Variants in PPP2R5E observed in about 807,000 individuals in gnomAD.
PPP2R5E encodes serine/threonine-protein phosphatase 2A 56 kDa regulatory subunit epsilon isoform.
A neutral mutation model predicts 65.3 loss-of-function variants in PPP2R5E; 4 were observed. That is an observed-to-expected ratio of 0.06 (90% CI 0.03 to 0.14). The LOEUF is 0.14. Among genes scored for constraint, PPP2R5E ranks in the 10% least tolerant of loss-of-function variants. The pLI is 1.00. For missense variants in PPP2R5E, 274 were observed against 556.1 expected, an observed-to-expected ratio of 0.49 and a Z score of 5.10; for synonymous variants, 183 against 187.4, an observed-to-expected ratio of 0.98 and a Z score of 0.19.
intron 13 of PPP2R5E, 87 bp downstream of exon 13, chr14:63,381,969 G>A: frequency 1.0e-6 from 1 of 998,498 alleles, no homozygotes; most frequent in Non-Finnish European, 1.5e-6. Context: ...CTTAAGATTT[G>A]GGGTACAATT....
intron 5 of PPP2R5E, among the ~76,000 whole-genome samples, chr14:63,403,044 T>C (rs1885846720): frequency 6.6e-6 from 1 of 152,154 alleles, no homozygotes; most frequent in Non-Finnish European, 1.5e-5. Context: ...GCCTTCTTAA[T>C]ACCCACACTG....
intron 3 of PPP2R5E, among the ~76,000 whole-genome samples, chr14:63,429,013 G>A (rs895593261): frequency 6.6e-6 from 1 of 152,058 alleles, no homozygotes; most frequent in Admixed American, 6.5e-5. Flanking sequence ...AAATACACAC[G>A]AAAGATAAGG....
At chr14:63,437,223 T>C (rs534809084) in intron 3 of PPP2R5E, among the ~76,000 whole-genome samples, 2 of 152,220 alleles carry the variant, frequency 1.3e-5, no homozygotes, top group Non-Finnish European at 2.9e-5. Flanking sequence ...TACCTATCTC[T>C]TTCCCAGAAA....
intron 2 of PPP2R5E, among the ~76,000 whole-genome samples, chr14:63,497,080 A>T (rs1187941914): frequency 6.6e-6 from 1 of 152,142 alleles, no homozygotes; most frequent in Non-Finnish European, 1.5e-5. Context: ...ATTGCTAAAA[A>T]TAAACTATCT....
chr14:63,533,086 C>G (rs540117771), intron 2 of PPP2R5E, among the ~76,000 whole-genome samples: 5 of 152,096 alleles, frequency 3.3e-5, no homozygotes. Context: ...CCTCCCACCT[C>G]GACCTGCCAA....
intron 2 of PPP2R5E, among the ~76,000 whole-genome samples, chr14:63,526,667 T>A (rs1255773): frequency 0.044 from 6,628 of 152,154 alleles, 413 homozygotes; most frequent in East Asian, 0.14. Flanking sequence ...GGTGATTCTC[T>A]CACCTTGGCC....
At chr14:63,441,544 G>A (rs71414493) in intron 3 of PPP2R5E, among the ~76,000 whole-genome samples, 264 of 152,330 alleles carry the variant, frequency 1.7e-3, no homozygotes, top group South Asian at 3.1e-3. Context: ...GGGTAAAATC[G>A]CGCTTAAACC....
intron 2 of PPP2R5E, among the ~76,000 whole-genome samples, chr14:63,520,897 G>T (rs1402355069): frequency 6.7e-6 from 1 of 148,794 alleles, no homozygotes; most frequent in Non-Finnish European, 1.5e-5. Flanking sequence ...CAATTAGCCG[G>T]GCATGGTAGC....
chr14:63,418,710 T>C (rs1886837234), intron 4 of PPP2R5E, among the ~76,000 whole-genome samples: 1 of 152,170 alleles, frequency 6.6e-6, no homozygotes, highest in African/African-American at 2.4e-5. Flanking sequence ...AGATACTATT[T>C]TGGATAACTG....
At chr14:63,472,126 C>T (rs982870978) in intron 2 of PPP2R5E, among the ~76,000 whole-genome samples, 1 of 152,180 alleles carries the variant, frequency 6.6e-6, no homozygotes, top group Non-Finnish European at 1.5e-5. Flanking sequence ...ATGGCAAAAC[C>T]CCATCTCTAC....
At chr14:63,439,392 G>C (rs1371602148) in intron 3 of PPP2R5E, among the ~76,000 whole-genome samples, 1 of 146,164 alleles carries the variant, frequency 6.8e-6, no homozygotes, top group African/African-American at 2.5e-5. Flanking sequence ...TCTGTTTTTT[G>C]AGACGGAGTT....
chr14:63,463,826 G>C (rs1889632736), intron 2 of PPP2R5E, among the ~76,000 whole-genome samples: 1 of 151,990 alleles, frequency 6.6e-6, no homozygotes, highest in African/African-American at 2.4e-5. Flanking sequence ...TGGATCTCCT[G>C]ACCTCGTGAT....
rs35587312 is a variant in PPP2R5E, at chr14:63,374,634, GATATATATATATATATATAT to G, written c.*1355_*1374del. 9.1e-5 allele frequency: 10 copies of G among 109,598 alleles called. 1 individual carries two copies. Among genetic ancestry groups the G allele is most frequent in the African/African-American group, 3.9e-4 (8 of 20,648 alleles). The allele number at this position is 109,598 out of a possible 1,614,324, so 6.8% of individuals were successfully genotyped here. On this transcript the variant is annotated 3_prime_UTR_variant, in exon 14 of 14. Transcript: ENST00000337537. ...TAAATACAAAGCAGAGAGCCAATAA[GATATATATATATATATATAT>G]ATATATATATATATAAAATACAGCC...
rs988133383 is a variant in PPP2R5E at position 63,435,061 on chromosome 14, A to G, written c.355-12967T>C. Among the ~76,000 whole-genome samples the G allele has an allele frequency of 4.6e-5, 7 of 152,332 alleles. No homozygotes were observed. In the South Asian group the frequency reaches 1.5e-3, roughly 32 times the overall value. On this transcript the variant is annotated intron_variant, in intron 3 of 13. Transcript: ENST00000337537. ...ATAATGATAATGTATATATAGTAAG[A>G]TTAGAAAAAAAGGTTTAACAAGGAA... is the stretch of plus-strand genomic sequence containing the variant.
chr14:63,405,404 G>A lies in PPP2R5E; in HGVS notation c.550-8688C>T, dbSNP rs534201588. On this transcript the variant is annotated intron_variant, in intron 5 of 13. Coordinates refer to ENST00000337537, the MANE Select transcript of PPP2R5E (RefSeq NM_006246.5). Reference sequence around the variant, plus strand: ...TTGTGTCATGTCCAATTTGTCTTGAGTTTTTAAAAACACAATAACAAAAGG... The same window carrying A: ...TTGTGTCATGTCCAATTTGTCTTGAATTTTTAAAAACACAATAACAAAAGG... Among the ~76,000 whole-genome samples, 27 of 152,232 alleles carry A rather than the reference G, an allele frequency of 1.8e-4. No homozygotes were observed. The South Asian group carries it at 4.2e-3, about 23-fold the overall frequency.
intron 13 of PPP2R5E, among the ~76,000 whole-genome samples, chr14:63,380,544 C>G (rs1884287588): frequency 6.6e-6 from 1 of 151,848 alleles, no homozygotes; most frequent in South Asian, 2.1e-4. Flanking sequence ...TGCTTGTAGT[C>G]CCAGCTACTT....
At chr14:63,487,844 T>G (rs1891069640) in intron 2 of PPP2R5E, among the ~76,000 whole-genome samples, 1 of 152,214 alleles carries the variant, frequency 6.6e-6, no homozygotes, top group Non-Finnish European at 1.5e-5. Context: ...CCTCTCAGAT[T>G]CAGTCCAAAT....
At chr14:63,456,887 G>A (rs750983475) in intron 2 of PPP2R5E, among the ~76,000 whole-genome samples, 12 of 134,726 alleles carry the variant, frequency 8.9e-5, no homozygotes, top group Non-Finnish European at 1.4e-4. Context: ...TCTAGCCCAT[G>A]CACCAAGAAT....
At chr14:63,390,085 T>A (rs61179345) in intron 10 of PPP2R5E, among the ~76,000 whole-genome samples, 3,726 of 151,264 alleles carry the variant, frequency 0.025, 143 homozygotes, top group African/African-American at 0.082. Context: ...CTTTTTTTTT[T>A]AAAAAAAACA....
Sources: allele counts gnomAD v4.1 joint callset (sites outside exome capture counted in the v4.1 genomes callset), GRCh38; gene constraint gnomAD v4.1.1; transcripts MANE v1.5; gene names NCBI Gene and HGNC (gene_info 2026-07-23, HGNC 2026-07-21).